The following DMXL2 variants were observed in gnomAD, a reference collection of about 807,000 sequenced individuals.
DMXL2 encodes dmX-like protein 2.
DMXL2 carries 103 observed loss-of-function variants against 331.1 expected under a neutral mutation model. That is an observed-to-expected ratio of 0.31 (90% CI 0.27 to 0.37). The LOEUF (loss-of-function observed/expected upper bound fraction) is 0.37. DMXL2 is among the 10% of genes least tolerant of loss of function. DMXL2 has a pLI of 1.00. For synonymous variants in DMXL2, 1,281 were observed against 1,252.1 expected, an observed-to-expected ratio of 1.02 and a Z score of -0.49; for missense variants, 3,171 against 3,642.9, an observed-to-expected ratio of 0.87 and a Z score of 3.33.
intron 1 of DMXL2, among the ~76,000 whole-genome samples, chr15:51,594,533 A>C (rs2052643429): frequency 6.6e-6 from 1 of 152,236 alleles, no homozygotes; most frequent in African/African-American, 2.4e-5. Flanking sequence ...CAATCAAAAG[A>C]AAAAGAGGGA....
chr15:51,612,122 G>A (rs78345212), intron 1 of DMXL2, among the ~76,000 whole-genome samples: 1,707 of 152,220 alleles, frequency 0.011, 16 homozygotes, highest in Non-Finnish European at 0.018. Context: ...CCACTGGCAG[G>A]AACCAATTCC....
chr15:51,616,935 TAA>T (rs34051640), intron 1 of DMXL2, among the ~76,000 whole-genome samples: 1,688 of 81,198 alleles, frequency 0.021, 23 homozygotes, highest in African/African-American at 0.047. Context: ...AGACTCCATC[TAA>T]AAAAAAAAAA....
intron 43 of DMXL2, among the ~76,000 whole-genome samples, chr15:51,449,695 T>G (rs571142506): frequency 1.1e-3 from 169 of 152,274 alleles, no homozygotes; most frequent in African/African-American, 3.9e-3. Context: ...TTAACAATAT[T>G]TTTAACTTAT....
intron 41 of DMXL2, 34 bp downstream of exon 41, chr15:51,453,516 T>G: frequency 6.6e-7 from 1 of 1,515,264 alleles, no homozygotes; most frequent in South Asian, 1.2e-5. Flanking sequence ...TCTAACGTTT[T>G]TATATTTCTT....
chr15:51,463,934 C>T (rs895141845), intron 32 of DMXL2, among the ~76,000 whole-genome samples: 3 of 151,464 alleles, frequency 2.0e-5, no homozygotes, highest in Non-Finnish European at 4.4e-5. Flanking sequence ...GGTCCACTAC[C>T]TCAAAAAAAA....
chr15:51,616,398 TAAG>T (rs1256738064), intron 1 of DMXL2, among the ~76,000 whole-genome samples: 1 of 151,832 alleles, frequency 6.6e-6, no homozygotes, highest in Non-Finnish European at 1.5e-5. Flanking sequence ...CACACAAAAA[TAAG>T]AAGTGCAGGC....
chr15:51,465,382 G>A (rs933244406), intron 31 of DMXL2, among the ~76,000 whole-genome samples, 184 bp downstream of exon 31: 15 of 152,228 alleles, frequency 9.9e-5, no homozygotes, highest in African/African-American at 3.1e-4. Context: ...GCAACAGAGC[G>A]AGACTCTATC....
chr15:51,593,427 G>A (rs1179391115), intron 1 of DMXL2, among the ~76,000 whole-genome samples: 2 of 152,148 alleles, frequency 1.3e-5, no homozygotes, highest in Admixed American at 1.3e-4. Context: ...AGTCTTTAGA[G>A]ACCTAGAAAG....
chr15:51,514,904 C>T (rs2046950165), intron 14 of DMXL2, among the ~76,000 whole-genome samples: 1 of 151,808 alleles, frequency 6.6e-6, no homozygotes, highest in South Asian at 2.1e-4. Flanking sequence ...CACTTTGAGC[C>T]TGAAAGCATC....
intron 23 of DMXL2, among the ~76,000 whole-genome samples, chr15:51,485,672 C>T (rs1394349450): frequency 6.6e-6 from 1 of 152,042 alleles, no homozygotes. Context: ...TTATTGAAAA[C>T]AATGCTGATA....
chr15:51,467,860 G>A (rs1317758259), intron 29 of DMXL2, among the ~76,000 whole-genome samples: 1 of 151,872 alleles, frequency 6.6e-6, no homozygotes, highest in African/African-American at 2.4e-5. Flanking sequence ...CCGAGTAGCT[G>A]GGACTACAGG....
At chr15:51,581,919 G>A (rs1169989477) in intron 1 of DMXL2, among the ~76,000 whole-genome samples, 1 of 152,134 alleles carries the variant, frequency 6.6e-6, no homozygotes, top group Non-Finnish European at 1.5e-5. Context: ...AAATCAAGGT[G>A]TACTAAGCAT....
intron 13 of DMXL2, among the ~76,000 whole-genome samples, chr15:51,517,668 C>T (rs2047111933): frequency 6.6e-6 from 1 of 152,232 alleles, no homozygotes; most frequent in Non-Finnish European, 1.5e-5. Context: ...TTCCAACCAG[C>T]TTTCTCTTGC....
chr15:51,588,341 T>C (rs1054734260), intron 1 of DMXL2, among the ~76,000 whole-genome samples: 11 of 151,984 alleles, frequency 7.2e-5, no homozygotes, highest in African/African-American at 2.7e-4. Context: ...TATTTTTTGG[T>C]AGAGATAGTA....
In DMXL2 at chr15:51,481,075, C is replaced by A; in HGVS notation, c.6031G>T (p.Asp2011Tyr). 6.2e-7 allele frequency: 1 copy of A among 1,613,900 alleles called. No individual in the cohort carries two copies. The highest frequency in any genetic ancestry group is 1.1e-5 in the South Asian group (1 of 91,048). Residue 2011 changes from aspartate (D) to tyrosine (Y), a missense_variant, in exon 24 of 44, where the codon GAT becomes TAT. This residue lies in a region of DMXL2 where 244 missense variants were observed against 251.4 expected (regional missense o/e 0.97). Transcript: ENST00000560891. Reference sequence around the variant, plus strand: ...ATGTTAGGGTCTGAGGCCTTCTGATCTGATTGTTTATCTTTTTCCCTGGCA... The same window carrying A: ...ATGTTAGGGTCTGAGGCCTTCTGATATGATTGTTTATCTTTTTCCCTGGCA... ...TDAREKDKQS[D>Y]QKASDPNMLL...
chr15:51,622,661 G>A lies in DMXL2; in HGVS notation c.-116C>T, dbSNP rs1257556291. 1 of 1,449,740 alleles carries A rather than the reference G, an allele frequency of 6.9e-7. No homozygotes were observed. The highest frequency in any genetic ancestry group is 9.1e-7 in the Non-Finnish European group (1 of 1,096,600). 89.8% of individuals were successfully genotyped at this position (1,449,740 alleles called of 1,614,324 possible). ...GCCTCCCTCGGAAACCCGCCCCGCG[G>A]AGGCTCTGGCTTAACTCCTCGCCCC... is the stretch of plus-strand genomic sequence containing the variant. On this transcript the variant is annotated 5_prime_UTR_variant, in exon 1 of 44. Coordinates refer to ENST00000560891, the MANE Select transcript of DMXL2 (RefSeq NM_001378457.1).
rs150515203 is a variant in DMXL2, at chr15:51,547,357, T to C, written c.619A>G (p.Ile207Val). The change falls in exon 7 of 44, where the codon ATT becomes GTT. Residue 207 changes from isoleucine (I) to valine (V), a missense_variant. Ile to Val is a conservative substitution (Grantham distance 29). Transcript: ENST00000560891. The part of the protein sequence containing the change: ...WYPMTGWKSS[I>V]IPQDHHEVKR... ...ACTTCATGATGATCCTGAGGTATAA[T>C]TGAAGACTTCCAACCAGTCATAGGA... 39 of 1,611,952 alleles carry C rather than the reference T, an allele frequency of 2.4e-5. No homozygotes were observed. The highest frequency in any genetic ancestry group is 1.6e-4 in the East Asian group (7 of 44,842).
chr15:51,555,586 G>A (rs2049510992), intron 6 of DMXL2, among the ~76,000 whole-genome samples: 4 of 152,040 alleles, frequency 2.6e-5, no homozygotes, highest in Admixed American at 2.6e-4. Flanking sequence ...TTTTAGGGCA[G>A]TAAAAAGACC....
chr15:51,541,940 T>G (rs752801190), intron 9 of DMXL2, among the ~76,000 whole-genome samples: 3 of 152,150 alleles, frequency 2.0e-5, no homozygotes, highest in Non-Finnish European at 4.4e-5. Flanking sequence ...TGCTGAGATA[T>G]AAGGAAAACT....
Sources: allele counts gnomAD v4.1 joint callset (sites outside exome capture counted in the v4.1 genomes callset), GRCh38; gene constraint gnomAD v4.1.1; regional missense constraint gnomAD v4.1.1; transcripts MANE v1.5; gene names NCBI Gene and HGNC (gene_info 2026-07-23, HGNC 2026-07-21).